The following TSEN2 variants were observed in gnomAD, a reference collection of about 807,000 sequenced individuals.
TSEN2 encodes tRNA-splicing endonuclease subunit Sen2.
A neutral mutation model predicts 59.2 loss-of-function variants in TSEN2; 54 were observed. That is an observed-to-expected ratio of 0.91 (90% CI 0.73 to 1.14). The LOEUF is 1.14. TSEN2 is among the 50% of genes most tolerant of loss of function. The pLI, the probability that TSEN2 is intolerant of heterozygous loss-of-function variation, is 0.00. For synonymous variants in TSEN2, 195 were observed against 198.2 expected (o/e 0.98, Z 0.14); for missense variants, 636 against 576.2 (o/e 1.10, Z -1.06).
chr3:12,514,762 C>T (rs2055875397), intron 6 of TSEN2: 2 of 152,136 alleles, frequency 1.3e-5, no homozygotes, highest in Non-Finnish European at 2.9e-5. Flanking sequence ...ATTAGTATGA[C>T]CCCTGCCCAC....
rs975271397 is a variant in TSEN2, at chr3:12,516,748, A to G, written c.960+87A>G. On this transcript the variant is annotated intron_variant, in intron 7 of 11. Transcript: ENST00000284995. The stretch of plus-strand genomic sequence containing the variant: ...ACTAATTTCTATATTGCATTAATAC[A>G]AATGTTTCTACTCTTACTGAATAAA... The G allele has an allele frequency of 3.1e-6, 4 of 1,272,446 alleles. No homozygotes were observed. The African/African-American group carries it at 5.9e-5, about 19-fold the overall frequency. The allele number at this position is 1,272,446 out of a possible 1,614,324, so 78.8% of individuals were successfully genotyped here. A position where few individuals can be genotyped will look rare whatever the true frequency, so the allele number is the denominator to read the frequency against.
At chr3:12,498,717 A>G (rs115354713) in intron 4 of TSEN2, among the ~76,000 whole-genome samples, 2 of 152,246 alleles carry the variant, frequency 1.3e-5, no homozygotes, top group Admixed American at 6.5e-5. Context: ...ATTACAGCTC[A>G]TTTCCCCGTG....
In TSEN2 at chr3:12,495,008, C is replaced by T. The variant is rs936697097; in HGVS notation, c.272-1510C>T. On this transcript the variant is annotated intron_variant, in intron 3 of 11. Coordinates refer to ENST00000284995, the MANE Select transcript of TSEN2 (RefSeq NM_025265.4). ...GGGCATGGTGGCAGGCACTTGTAAT[C>T]CCAGCTACTTGGGAGGCTGAGGCAG... Among the ~76,000 whole-genome samples, 5 of 150,434 alleles carry T rather than the reference C, an allele frequency of 3.3e-5. No individual in the cohort carries two copies. In the Admixed American group the frequency reaches 3.3e-4, roughly 10 times the overall value.
intron 6 of TSEN2, among the ~76,000 whole-genome samples, chr3:12,507,792 G>T (rs562139698): frequency 2.0e-5 from 3 of 152,284 alleles, no homozygotes; most frequent in African/African-American, 7.2e-5. Flanking sequence ...ACATCTATTA[G>T]GTGCGTAATA....
intron 3 of TSEN2, among the ~76,000 whole-genome samples, chr3:12,496,144 G>T (rs1351140530): frequency 6.6e-6 from 1 of 152,248 alleles, no homozygotes; most frequent in Non-Finnish European, 1.5e-5. Context: ...TCAGTGAAGA[G>T]GGAAGAATGG....
rs143765334 is a variant in TSEN2 at position 12,505,900 on chromosome 3, G to A, written c.909+669G>A. Reference sequence around the variant, plus strand: ...GGATTGCTTGAGCCCAGGAGGTCACGTCTGCAGTGAGCCACGATTGCACTA... The same window carrying A: ...GGATTGCTTGAGCCCAGGAGGTCACATCTGCAGTGAGCCACGATTGCACTA... On this transcript the variant is annotated intron_variant, in intron 6 of 11. Coordinates refer to ENST00000284995, the MANE Select transcript of TSEN2 (RefSeq NM_025265.4). Among the ~76,000 whole-genome samples, 330 of 152,054 alleles carry A rather than the reference G, an allele frequency of 2.2e-3. 5 individuals are homozygous for A. The highest frequency in any genetic ancestry group is 0.018 in the East Asian group (94 of 5,160).
At chr3:12,482,494 T>TA (rs1246731524), upstream of TSEN2, among the ~76,000 whole-genome samples, 1 of 152,258 alleles carries the variant, frequency 6.6e-6, no homozygotes, top group African/African-American at 2.4e-5. Context: ...TCAAAGGGTT[T>TA]AAAATGCACT....
At chr3:12,519,527 C>A (rs184891408) in intron 8 of TSEN2, among the ~76,000 whole-genome samples, 8 of 152,116 alleles carry the variant, frequency 5.3e-5, no homozygotes, top group Non-Finnish European at 1.2e-4. Flanking sequence ...GGGTGGATCA[C>A]GAGGTCAGGA....
intron 6 of TSEN2, among the ~76,000 whole-genome samples, chr3:12,509,881 A>G (rs575375241): frequency 6.6e-6 from 1 of 152,204 alleles, no homozygotes; most frequent in African/African-American, 2.4e-5. Flanking sequence ...TGTTCTCTTC[A>G]TGTAGAAAAT....
chr3:12,506,898 G>T lies in TSEN2; in HGVS notation c.909+1667G>T. On this transcript the variant is annotated intron_variant, in intron 6 of 11. Coordinates refer to ENST00000284995, the MANE Select transcript of TSEN2 (RefSeq NM_025265.4). Reference sequence around the variant, plus strand: ...GGTAATTTTATAGCTGAGACCACAGGAAAGTAATTGTGGGGGCCGGGCGCC... The same window carrying T: ...GGTAATTTTATAGCTGAGACCACAGTAAAGTAATTGTGGGGGCCGGGCGCC... The T allele has an allele frequency of 4.1e-6, 4 of 982,636 alleles. No individual in the cohort carries two copies. In the South Asian group the frequency reaches 1.9e-4, roughly 46 times the overall value. The allele number at this position is 982,636 out of a possible 1,614,324, so 60.9% of individuals were successfully genotyped here.
intron 8 of TSEN2, among the ~76,000 whole-genome samples, chr3:12,524,739 C>CTTT (rs746602626): frequency 0.022 from 2,867 of 131,716 alleles, 82 homozygotes; most frequent in South Asian, 0.058. Context: ...TCTTTGGTCT[C>CTTT]TTTTTTTTTT....
intron 10 of TSEN2, chr3:12,530,260 C>G: frequency 9.9e-7 from 1 of 1,009,306 alleles, no homozygotes; most frequent in Non-Finnish European, 1.2e-6. Flanking sequence ...TGAAAGTTTG[C>G]AGATCTCTTA....
chr3:12,530,251 G>C (rs2057377913), intron 10 of TSEN2: 3 of 1,014,192 alleles, frequency 3.0e-6, no homozygotes, highest in Non-Finnish European at 3.5e-6. Flanking sequence ...TCAAAACATT[G>C]AAAGTTTGCA....
intron 9 of TSEN2, 56 bp downstream of exon 9, chr3:12,528,980 G>A: frequency 1.3e-6 from 2 of 1,598,746 alleles, no homozygotes; most frequent in South Asian, 1.1e-5. Context: ...GGAATTTCTG[G>A]CCTCTAATTT....
intron 6 of TSEN2, among the ~76,000 whole-genome samples, chr3:12,510,383 T>C (rs1161310845): frequency 6.6e-6 from 1 of 152,258 alleles, no homozygotes; most frequent in Admixed American, 6.5e-5. Flanking sequence ...ACTCCAGTTT[T>C]AGAGGCTGCC....
intron 7 of TSEN2, among the ~76,000 whole-genome samples, chr3:12,517,167 T>C (rs1275387642): frequency 6.6e-6 from 1 of 151,944 alleles, no homozygotes; most frequent in South Asian, 2.1e-4. Context: ...CTATCCTGGC[T>C]AACATGGTGA....
At chr3:12,508,386 TAAAC>T (rs2055063564) in intron 6 of TSEN2, among the ~76,000 whole-genome samples, 1 of 152,228 alleles carries the variant, frequency 6.6e-6, no homozygotes, top group Non-Finnish European at 1.5e-5. Flanking sequence ...AGCACACCGT[TAAAC>T]CTAGCTCTAC....
At chr3:12,510,535 C>T (rs2055331155) in intron 6 of TSEN2, among the ~76,000 whole-genome samples, 1 of 152,192 alleles carries the variant, frequency 6.6e-6, no homozygotes, top group Admixed American at 6.5e-5. Context: ...AAGGGACACA[C>T]CAGGGTCGGG....
exon 11 of TSEN2, chr3:12,539,581 G>T: frequency 6.3e-6 from 1 of 159,544 alleles, no homozygotes; most frequent in Non-Finnish European, 1.4e-5. Flanking sequence ...TAATTTATAG[G>T]AATAATTTTC....
Sources: allele counts gnomAD v4.1 joint callset (sites outside exome capture counted in the v4.1 genomes callset), GRCh38; gene constraint gnomAD v4.1.1; transcripts MANE v1.5; gene names NCBI Gene and HGNC (gene_info 2026-07-23, HGNC 2026-07-21).